Variants in KLF8 observed in about 807,000 individuals in gnomAD.
KLF8 encodes Krueppel-like factor 8.
In KLF8, 10 loss-of-function variants were observed where a neutral mutation model predicts 18.2. That is an observed-to-expected ratio of 0.55 (90% confidence interval 0.34 to 0.93). The LOEUF is 0.93. Ranked by LOEUF, KLF8 falls within the 40% of genes least tolerant of loss-of-function variation. The pLI is 0.02. For missense variants in KLF8, 264 were observed against 277.9 expected (o/e 0.95, Z 0.36); for synonymous variants, 109 against 97.3 (o/e 1.12, Z -0.71).
the KLF8 span, among the ~76,000 whole-genome samples, chrX:55,979,403 T>C: frequency 9.0e-6 from 1 of 111,548 alleles, no homozygotes; most frequent in African/African-American, 3.3e-5. Flanking sequence ...ATGTATGAAG[T>C]TTGGTACTAT....
intron 2 of KLF8, among the ~76,000 whole-genome samples, chrX:56,257,111 C>T (rs1041883578): frequency 9.0e-6 from 1 of 111,438 alleles, no homozygotes. Flanking sequence ...TGTATAGTTT[C>T]CTAAATTCCT....
the KLF8 span, among the ~76,000 whole-genome samples, chrX:56,197,776 C>A: frequency 9.0e-6 from 1 of 111,124 alleles, no homozygotes; most frequent in Non-Finnish European, 1.9e-5. Context: ...CTGGCAGAGA[C>A]ACAACAAAAA....
the KLF8 span, among the ~76,000 whole-genome samples, chrX:56,136,392 G>A: frequency 9.0e-6 from 1 of 111,034 alleles, no homozygotes; most frequent in Non-Finnish European, 1.9e-5. Flanking sequence ...CATGGTACTG[G>A]TACCAAAACA....
the KLF8 span, among the ~76,000 whole-genome samples, chrX:56,222,434 A>T: frequency 1.6e-3 from 175 of 112,644 alleles, 2 homozygotes; most frequent in East Asian, 0.033. Context: ...TGGTGTGTCC[A>T]CAAACCCTGA....
chrX:55,949,590 C>T, the KLF8 span, among the ~76,000 whole-genome samples: 21 of 107,645 alleles, frequency 2.0e-4, no homozygotes, highest in African/African-American at 6.6e-4. Context: ...CAAGAAATCA[C>T]GAACATCCTG....
the KLF8 span, among the ~76,000 whole-genome samples, chrX:56,001,935 A>C: frequency 8.9e-6 from 1 of 112,137 alleles, no homozygotes; most frequent in Non-Finnish European, 1.9e-5. Flanking sequence ...TTCACCCTTT[A>C]AACAGAATCT....
At chrX:56,145,907 G>A in the KLF8 span, among the ~76,000 whole-genome samples, 2 of 111,143 alleles carry the variant, frequency 1.8e-5, no homozygotes, top group Non-Finnish European at 3.8e-5. Flanking sequence ...TAAAGGATAT[G>A]AACAGATACT....
the KLF8 span, among the ~76,000 whole-genome samples, chrX:56,104,982 C>T: frequency 8.9e-6 from 1 of 111,913 alleles, no homozygotes; most frequent in African/African-American, 3.3e-5. Context: ...ACCCAGTAGT[C>T]ACTCAGGTGC....
chrX:56,088,991 C>T, the KLF8 span, among the ~76,000 whole-genome samples: 2 of 110,799 alleles, frequency 1.8e-5, no homozygotes, highest in South Asian at 7.6e-4. Flanking sequence ...CTTTTCAAGC[C>T]CTTCATCTAT....
chrX:56,233,667 G>A (rs927863406), intron 1 of KLF8, among the ~76,000 whole-genome samples: 2 of 111,712 alleles, frequency 1.8e-5, no homozygotes, highest in Non-Finnish European at 3.8e-5. Flanking sequence ...GATTGTCTTT[G>A]ACTTAACCCC....
the KLF8 span, among the ~76,000 whole-genome samples, chrX:56,169,349 G>A: frequency 9.0e-6 from 1 of 111,271 alleles, no homozygotes; most frequent in African/African-American, 3.3e-5. Flanking sequence ...TTGCACCCTA[G>A]GTACCAGCTT....
chrX:56,049,321 G>T, the KLF8 span, among the ~76,000 whole-genome samples: 1 of 111,671 alleles, frequency 9.0e-6, no homozygotes, highest in African/African-American at 3.3e-5. Flanking sequence ...AGAGTGGTGA[G>T]AGAAGGCATC....
chrX:56,006,336 G>T, the KLF8 span, among the ~76,000 whole-genome samples: 1 of 112,113 alleles, frequency 8.9e-6, no homozygotes, highest in Admixed American at 9.4e-5. Flanking sequence ...TTCCCCAGGA[G>T]TTGCTGCAAT....
At chrX:56,075,137 C>A in the KLF8 span, among the ~76,000 whole-genome samples, 1 of 110,138 alleles carries the variant, frequency 9.1e-6, no homozygotes, top group African/African-American at 3.3e-5. Context: ...TTCTAATTTT[C>A]AGAGTGTAAG....
chrX:55,982,123 G>A, the KLF8 span, among the ~76,000 whole-genome samples: 1 of 111,174 alleles, frequency 9.0e-6, no homozygotes, highest in East Asian at 2.8e-4. Context: ...AGCAAGCAGG[G>A]ATTCAGTAGA....
chrX:56,044,945 C>G, the KLF8 span, among the ~76,000 whole-genome samples: 7 of 112,158 alleles, frequency 6.2e-5, no homozygotes, highest in African/African-American at 2.3e-4. Context: ...GTTGTATTTG[C>G]TTTTGGGTTC....
chrX:55,963,572 T>A, the KLF8 span, among the ~76,000 whole-genome samples: 94 of 110,291 alleles, frequency 8.5e-4, no homozygotes, highest in African/African-American at 2.8e-3. Context: ...TAAAAAAAAA[T>A]CATTTCTAAA....
the KLF8 span, among the ~76,000 whole-genome samples, chrX:56,047,543 C>G: frequency 2.8e-5 from 3 of 108,895 alleles, no homozygotes; most frequent in Non-Finnish European, 3.8e-5. Flanking sequence ...GCGATAGTTT[C>G]CTGAGAATGA....
At chrX:56,239,808 A>G (rs1441120885) in intron 1 of KLF8, among the ~76,000 whole-genome samples, 2 of 111,636 alleles carry the variant, frequency 1.8e-5, no homozygotes, top group Non-Finnish European at 3.8e-5. Context: ...ATCTAGCTCC[A>G]TTTTGTTTTC....
Sources: gnomAD v4.1 joint callset for allele counts (sites outside exome capture counted in the v4.1 genomes callset) on GRCh38, gnomAD v4.1.1 for gene constraint, MANE v1.5 for transcripts, NCBI Gene and HGNC (gene_info 2026-07-23, HGNC 2026-07-21) for gene names.